The following DCC variants were observed in gnomAD, a reference collection of about 807,000 sequenced individuals.
DCC encodes the protein netrin receptor DCC.
Under a neutral mutation model 172.5 loss-of-function variants are expected in DCC, and 58 were observed. The observed-to-expected ratio is 0.34, with a 90% CI of 0.27 to 0.42. The LOEUF is 0.42. Ranked by LOEUF, DCC falls within the 10% of genes least tolerant of loss-of-function variation. The pLI, the probability that DCC is intolerant of heterozygous loss-of-function variation, is 1.00. For missense variants in DCC, 1,740 were observed against 1,791.0 expected (o/e 0.97, Z 0.51); for synonymous variants, 709 against 644.5 (o/e 1.10, Z -1.52).
intron 15 of DCC, among the ~76,000 whole-genome samples, chr18:53,353,190 A>C (rs1364328714): frequency 6.6e-6 from 1 of 151,666 alleles, no homozygotes; most frequent in Non-Finnish European, 1.5e-5. Context: ...GGCAGGAATC[A>C]CTTGAACCCA....
intron 1 of DCC, among the ~76,000 whole-genome samples, chr18:52,498,082 A>G (rs1055655305): frequency 6.6e-6 from 1 of 151,670 alleles, no homozygotes; most frequent in African/African-American, 2.4e-5. Context: ...GGACATTGAC[A>G]TTTGAATTTT....
chr18:52,530,264 C>T (rs8096113), intron 1 of DCC, among the ~76,000 whole-genome samples: 1,669 of 152,224 alleles, frequency 0.011, 35 homozygotes, highest in African/African-American at 0.037. Flanking sequence ...CAAACACACA[C>T]GAGCTGAGGC....
At chr18:53,377,973 A>T (rs79646034) in intron 15 of DCC, among the ~76,000 whole-genome samples, 6,952 of 152,076 alleles carry the variant, frequency 0.046, 499 homozygotes, top group African/African-American at 0.15. Context: ...TTAATTAATT[A>T]ATTTATTTTT....
intron 1 of DCC, among the ~76,000 whole-genome samples, chr18:52,554,049 G>A (rs1241117817): frequency 6.6e-6 from 1 of 151,964 alleles, no homozygotes; most frequent in Admixed American, 6.6e-5. Flanking sequence ...CATAAAATGG[G>A]GATAATAAGG....
intron 1 of DCC, among the ~76,000 whole-genome samples, chr18:52,377,373 T>A (rs962581255): frequency 4.6e-5 from 7 of 152,186 alleles, no homozygotes; most frequent in Admixed American, 1.3e-4. Context: ...CAGAGGAGTT[T>A]ATTTACAAGG....
intron 1 of DCC, among the ~76,000 whole-genome samples, chr18:52,418,905 G>A (rs1987147193): frequency 7.1e-6 from 1 of 140,224 alleles, no homozygotes; most frequent in Non-Finnish European, 1.5e-5. Flanking sequence ...CTGTTACCCA[G>A]GCTGGAGTAT....
intron 1 of DCC, among the ~76,000 whole-genome samples, chr18:52,403,561 C>T (rs939105379): frequency 6.6e-6 from 1 of 151,988 alleles, no homozygotes; most frequent in Non-Finnish European, 1.5e-5. Context: ...GCTTCTTGTC[C>T]ATGAATCATC....
At chr18:53,129,430 G>A (rs746036620) in intron 7 of DCC, among the ~76,000 whole-genome samples, 2 of 151,748 alleles carry the variant, frequency 1.3e-5, no homozygotes, top group African/African-American at 2.4e-5. Flanking sequence ...AAGACATAGG[G>A]CATTTTTATT....
intron 1 of DCC, among the ~76,000 whole-genome samples, chr18:52,669,922 G>C (rs887559357): frequency 6.6e-6 from 1 of 151,856 alleles, no homozygotes; most frequent in Non-Finnish European, 1.5e-5. Flanking sequence ...GTGTTTTTTA[G>C]GTCTGGTGGT....
intron 2 of DCC, among the ~76,000 whole-genome samples, chr18:52,898,150 C>T (rs1033316515): frequency 6.6e-6 from 1 of 152,192 alleles, no homozygotes; most frequent in Non-Finnish European, 1.5e-5. Flanking sequence ...CAGAGTATTA[C>T]CACACTGCTG....
chr18:53,325,196 C>CAAAAAAAAA (rs750007696), intron 14 of DCC, among the ~76,000 whole-genome samples: 1 of 65,104 alleles, frequency 1.5e-5, no homozygotes, highest in Non-Finnish European at 2.7e-5. Flanking sequence ...GACTCCATCT[C>CAAAAAAAAA]AAAAAAAAAA....
At position 52,834,610 on chromosome 18, in the gene DCC, C is replaced by G. The variant is rs74833689; in HGVS notation, c.413-71434C>G. ...TAAAAGCACACAAGCTAATGTGTGC[C>G]TTCTACACCAAAATATTTGTAAAAA... On this transcript the variant is annotated intron_variant, in intron 2 of 28. Coordinates refer to ENST00000442544, the MANE Select transcript of DCC (RefSeq NM_005215.4). 2.6e-4 allele frequency among the ~76,000 whole-genome samples: 39 copies of G among 152,134 alleles called. No individual in the cohort carries two copies. The East Asian group carries it at 5.6e-3, about 22-fold the overall frequency.
intron 5 of DCC, among the ~76,000 whole-genome samples, chr18:52,965,876 C>A (rs2040921344): frequency 6.6e-6 from 1 of 152,094 alleles, no homozygotes; most frequent in Non-Finnish European, 1.5e-5. Flanking sequence ...TGAGTTAAAT[C>A]TCAGTGCAAT....
At chr18:53,041,925 T>C (rs538575406) in intron 5 of DCC, among the ~76,000 whole-genome samples, 1 of 152,104 alleles carries the variant, frequency 6.6e-6, no homozygotes, top group Non-Finnish European at 1.5e-5. Flanking sequence ...TGAGATTTTC[T>C]AAATATATAA....
intron 2 of DCC, among the ~76,000 whole-genome samples, chr18:52,860,801 C>G (rs986265600): frequency 6.6e-6 from 1 of 152,078 alleles, no homozygotes; most frequent in Non-Finnish European, 1.5e-5. Flanking sequence ...AGACCGAGAC[C>G]ATCCTGGCTA....
intron 2 of DCC, among the ~76,000 whole-genome samples, chr18:52,862,725 A>T (rs529530987): frequency 2.4e-4 from 37 of 151,498 alleles, no homozygotes; most frequent in Non-Finnish European, 3.0e-4. Flanking sequence ...TAAAAAAATT[A>T]AAAAAAATTC....
chr18:53,361,917 A>G (rs1424686097), intron 15 of DCC, among the ~76,000 whole-genome samples: 1 of 152,198 alleles, frequency 6.6e-6, no homozygotes, highest in Non-Finnish European at 1.5e-5. Flanking sequence ...CAAGGCTTGC[A>G]CAACAATCAT....
intron 1 of DCC, among the ~76,000 whole-genome samples, chr18:52,724,004 T>A (rs889554839): frequency 6.6e-6 from 1 of 152,136 alleles, no homozygotes; most frequent in Admixed American, 6.5e-5. Flanking sequence ...TCTTCAAAGG[T>A]ACAGATGAGT....
chr18:52,564,538 G>A (rs1039813491), intron 1 of DCC, among the ~76,000 whole-genome samples: 1 of 151,836 alleles, frequency 6.6e-6, no homozygotes, highest in African/African-American at 2.4e-5. Flanking sequence ...TTTTAAATAG[G>A]TTTCTTCAAA....
Sources: gnomAD v4.1 joint callset for allele counts (sites outside exome capture counted in the v4.1 genomes callset) on GRCh38, gnomAD v4.1.1 for gene constraint, MANE v1.5 for transcripts, NCBI Gene and HGNC (gene_info 2026-07-23, HGNC 2026-07-21) for gene names.